The following ABCA13 variants were observed in gnomAD, a reference collection of about 807,000 sequenced individuals.
ABCA13 encodes ATP-binding cassette sub-family A member 13.
ABCA13 carries 476 observed loss-of-function variants against 478.7 expected under a neutral mutation model. The observed-to-expected ratio is 0.99, with a 90% CI of 0.92 to 1.07. The LOEUF is 1.07. Ranked by LOEUF, ABCA13 falls within the 50% of genes least tolerant of loss-of-function variation. ABCA13 has a pLI of 0.00. For missense variants in ABCA13, 6,060 were observed against 5,910.6 expected (o/e 1.03, Z -0.83); for synonymous variants, 2,252 against 2,158.9 (o/e 1.04, Z -1.20).
At chr7:48,401,698 C>T (rs373773930) in intron 38 of ABCA13, among the ~76,000 whole-genome samples, 36 of 151,148 alleles carry the variant, frequency 2.4e-4, no homozygotes, top group African/African-American at 7.5e-4. Context: ...CTCACTTCCT[C>T]CACCCTATCA....
chr7:48,501,834 C>G (rs1034074468), intron 48 of ABCA13, among the ~76,000 whole-genome samples: 1 of 152,220 alleles, frequency 6.6e-6, no homozygotes. Flanking sequence ...ATTGTAGAGG[C>G]AGGATTTTCA....
intron 38 of ABCA13, among the ~76,000 whole-genome samples, 158 bp downstream of exon 38, chr7:48,392,297 C>T (rs1563176963): frequency 6.6e-6 from 1 of 152,280 alleles, no homozygotes; most frequent in East Asian, 1.9e-4. Context: ...GACACAGCCA[C>T]CAACACTGAG....
At chr7:48,377,951 C>T (rs969246990) in intron 35 of ABCA13, among the ~76,000 whole-genome samples, 4 of 152,140 alleles carry the variant, frequency 2.6e-5, no homozygotes, top group African/African-American at 7.2e-5. Context: ...AAATGTGTCC[C>T]GGGACCCAGA....
At chr7:48,288,159 C>T in intron 20 of ABCA13, 81 bp downstream of exon 20, 1 of 1,253,156 alleles carries the variant, frequency 8.0e-7, no homozygotes, top group Non-Finnish European at 1.2e-6. Flanking sequence ...TTCAAACTTG[C>T]TGCTTCGTTC....
chr7:48,516,870 T>G lies in ABCA13; in HGVS notation c.13786T>G (p.Ser4596Ala), dbSNP rs768070110. The change falls in exon 52 of 62, where the codon TCC (serine) becomes GCC (alanine). Residue 4596 changes from serine to alanine, a missense_variant. By Grantham distance (99) the Ser-to-Ala change is moderately conservative. Around this residue, in one of 3 missense-constraint regions of ABCA13, gnomAD observed 1,627 missense variants for 1,571.0 expected, o/e 1.04. Coordinates refer to ENST00000435803, the MANE Select transcript of ABCA13 (RefSeq NM_152701.5). ...TATGCCCCGGTTGCTAGCCATCATCTCCAAAGCTAAGGTCAGTAGCTTTGT... is the reference window on the plus strand; with the variant it reads ...TATGCCCCGGTTGCTAGCCATCATCGCCAAAGCTAAGGTCAGTAGCTTTGT... ...TIMPRLLAII[S>A]KAKNLQNIYD... 2.5e-6 allele frequency: 4 copies of G among 1,613,614 alleles called. No individual in the cohort carries two copies. The Admixed American group carries it at 5.0e-5, about 20-fold the overall frequency.
At chr7:48,346,002 C>T (rs977930968) in intron 29 of ABCA13, among the ~76,000 whole-genome samples, 1 of 152,140 alleles carries the variant, frequency 6.6e-6, no homozygotes, top group Non-Finnish European at 1.5e-5. Context: ...TTACAATTGC[C>T]TACAGCATTC....
intron 38 of ABCA13, among the ~76,000 whole-genome samples, chr7:48,393,249 C>T (rs55712711): frequency 5.9e-5 from 9 of 152,150 alleles, no homozygotes; most frequent in African/African-American, 1.4e-4. Flanking sequence ...CTGGGGTCAT[C>T]GATTCAGCAA....
At chr7:48,255,370 G>A (rs977718562) in intron 15 of ABCA13, among the ~76,000 whole-genome samples, 5 of 152,046 alleles carry the variant, frequency 3.3e-5, no homozygotes, top group Admixed American at 6.6e-5. Context: ...AATATTAAAG[G>A]AATTAATACT....
At chr7:48,179,290 C>G (rs962557592) in intron 1 of ABCA13, among the ~76,000 whole-genome samples, 30 of 152,196 alleles carry the variant, frequency 2.0e-4, no homozygotes, top group Non-Finnish European at 4.4e-4. Flanking sequence ...GGGAACTGGT[C>G]CTCGTGAAAA....
At chr7:48,317,867 T>C (rs1563039351) in intron 27 of ABCA13, among the ~76,000 whole-genome samples, 1 of 152,218 alleles carries the variant, frequency 6.6e-6, no homozygotes, top group Non-Finnish European at 1.5e-5. Flanking sequence ...TTACATTGTT[T>C]AACCTCTCTA....
chr7:48,601,335 G>A (rs1009423420), intron 58 of ABCA13, among the ~76,000 whole-genome samples: 10 of 152,134 alleles, frequency 6.6e-5, no homozygotes, highest in African/African-American at 2.4e-4. Flanking sequence ...CCATCAACCT[G>A]TCATCTACAT....
At chr7:48,632,418 A>G (rs1794242637) in intron 59 of ABCA13, among the ~76,000 whole-genome samples, 1 of 152,094 alleles carries the variant, frequency 6.6e-6, no homozygotes, top group Admixed American at 6.5e-5. Flanking sequence ...TTTAATTTTG[A>G]TGATACTTAA....
intron 29 of ABCA13, among the ~76,000 whole-genome samples, chr7:48,340,664 A>G (rs983833687): frequency 1.3e-5 from 2 of 152,178 alleles, no homozygotes; most frequent in African/African-American, 2.4e-5. Context: ...CTGAGTTTGC[A>G]TCTACCATGG....
chr7:48,550,218 T>C (rs1374170539), intron 55 of ABCA13, among the ~76,000 whole-genome samples: 2 of 151,826 alleles, frequency 1.3e-5, no homozygotes, highest in African/African-American at 4.8e-5. Flanking sequence ...AAATTCTGCG[T>C]TTCATATATT....
intron 23 of ABCA13, among the ~76,000 whole-genome samples, chr7:48,300,123 T>G (rs940086548): frequency 2.6e-5 from 4 of 152,208 alleles, no homozygotes; most frequent in African/African-American, 4.8e-5. Context: ...ATTGTCAGGT[T>G]TTTAGCAGCA....
intron 59 of ABCA13, among the ~76,000 whole-genome samples, chr7:48,635,895 T>C (rs1308847543): frequency 6.6e-6 from 1 of 152,228 alleles, no homozygotes; most frequent in Admixed American, 6.5e-5. Context: ...TTGGAGACTT[T>C]ACTGTTTTTT....
At chr7:48,421,693 G>T (rs971183725) in intron 41 of ABCA13, among the ~76,000 whole-genome samples, 1 of 152,148 alleles carries the variant, frequency 6.6e-6, no homozygotes, top group Non-Finnish European at 1.5e-5. Context: ...ATGGTGATTG[G>T]GGTGTTGCTG....
At chr7:48,520,546 C>CT (rs1563387394) in intron 53 of ABCA13, among the ~76,000 whole-genome samples, 4 of 151,952 alleles carry the variant, frequency 2.6e-5, no homozygotes, top group African/African-American at 9.7e-5. Flanking sequence ...AGCATATTTT[C>CT]TTTTTTTAAA....
At chr7:48,372,604 A>G (rs948906345) in intron 33 of ABCA13, 107 bp downstream of exon 33, 3 of 918,866 alleles carry the variant, frequency 3.3e-6, no homozygotes, top group African/African-American at 1.7e-5. Flanking sequence ...TCATGTTCAT[A>G]TCTACATGGG....
Sources: gnomAD v4.1 joint callset for allele counts (sites outside exome capture counted in the v4.1 genomes callset) on GRCh38, gnomAD v4.1.1 for gene constraint, gnomAD v4.1.1 regional missense constraint, MANE v1.5 for transcripts, NCBI Gene and HGNC (gene_info 2026-07-23, HGNC 2026-07-21) for gene names.